PARG: variants seen among roughly 807,000 people sequenced by gnomAD.
PARG encodes the protein poly(ADP-ribose) glycohydrolase.
Under a neutral mutation model 113.0 loss-of-function variants are expected in PARG, and 35 were observed. The ratio of observed to expected loss-of-function variants is 0.31; its 90% CI spans 0.24 to 0.41. The LOEUF is 0.41. Among genes scored for constraint, PARG ranks in the 10% least tolerant of loss-of-function variants. The probability of loss-of-function intolerance (pLI) is 1.00; values close to 1 mark genes in which losing one functional copy is unlikely to be tolerated. For missense variants in PARG, 797 were observed against 1,169.4 expected (o/e 0.68, Z 4.64); for synonymous variants, 330 against 409.9 (o/e 0.81, Z 2.36).
At chr10:49,897,392 A>G (rs531467911) in intron 7 of PARG, among the ~76,000 whole-genome samples, 26 of 152,304 alleles carry the variant, frequency 1.7e-4, no homozygotes, top group Admixed American at 9.8e-4. Context: ...CTCCCTGGGA[A>G]GCCTTCACTG....
At chr10:49,844,895 A>G (rs1161049972) in intron 13 of PARG, among the ~76,000 whole-genome samples, 14 of 152,370 alleles carry the variant, frequency 9.2e-5, no homozygotes, top group Non-Finnish European at 7.3e-5. Context: ...GAACTCCTAC[A>G]TGTCTGCAAT....
intron 7 of PARG, among the ~76,000 whole-genome samples, chr10:49,892,468 G>C (rs1847856019): frequency 6.6e-6 from 1 of 151,884 alleles, no homozygotes; most frequent in Non-Finnish European, 1.5e-5. Context: ...TTAAGAGAAA[G>C]CCTAAAAAGT....
chr10:49,908,169 T>C (rs1285463338), intron 7 of PARG, among the ~76,000 whole-genome samples: 2 of 152,194 alleles, frequency 1.3e-5, no homozygotes, highest in African/African-American at 2.4e-5. Flanking sequence ...TGATATTCCA[T>C]GGTAACTCAT....
intron 7 of PARG, among the ~76,000 whole-genome samples, chr10:49,898,209 CAG>C (rs1848187983): frequency 6.6e-6 from 1 of 152,246 alleles, no homozygotes; most frequent in African/African-American, 2.4e-5. Flanking sequence ...CTTTAACTTA[CAG>C]AGTTACGAAA....
chr10:49,920,651 T>TATATATATACAC (rs1588993391), intron 6 of PARG, among the ~76,000 whole-genome samples: 2 of 148,130 alleles, frequency 1.4e-5, no homozygotes, highest in African/African-American at 5.0e-5. Context: ...CACATATACG[T>TATATATATACAC]ATATATATGG....
intron 16 of PARG, among the ~76,000 whole-genome samples, chr10:49,825,660 T>C (rs1241237492): frequency 3.9e-5 from 6 of 152,182 alleles, no homozygotes; most frequent in Non-Finnish European, 2.9e-5. Flanking sequence ...TGGAGCCAAG[T>C]TTGAATGTTG....
Position 49,908,847 on chromosome 10 carries a change from A to G in PARG, c.1737+7070T>C, listed in dbSNP as rs556503500. On this transcript the variant is annotated intron_variant, in intron 7 of 17. Coordinates refer to ENST00000616448, the MANE Select transcript of PARG (RefSeq NM_003631.5). The stretch of plus-strand genomic sequence containing the variant: ...GGCCACATTCCTTCAGTTACTGAAT[A>G]ACGAAATCTGTTGTGATTTAAAACA... 4.4e-3 allele frequency among the ~76,000 whole-genome samples: 672 copies of G among 152,288 alleles called. 2 individuals are homozygous for G. Among genetic ancestry groups the G allele is most frequent in the African/African-American group, 0.016 (651 of 41,572 alleles).
intron 13 of PARG, among the ~76,000 whole-genome samples, chr10:49,856,506 A>T (rs1357226858): frequency 6.6e-6 from 1 of 152,222 alleles, no homozygotes; most frequent in Non-Finnish European, 1.5e-5. Flanking sequence ...TTCTTTTAGG[A>T]TTCAAAATAG....
chr10:49,908,393 T>C (rs533373041), intron 7 of PARG: 1 of 152,196 alleles, frequency 6.6e-6, no homozygotes, highest in Admixed American at 6.5e-5. Context: ...GTGATTCTGA[T>C]TAGTTCCCTT....
rs1255543155 is a variant in PARG at position 49,820,299 on chromosome 10, G to T, written c.2648-6C>A. On this transcript the variant is annotated splice_polypyrimidine_tract_variant and splice_region_variant and intron_variant, in intron 16 of 17. Transcript: ENST00000616448. ...TGCCAATATCTGTATTAAGGCTGAGGCAAAGAGAAAAGACACGGCTATATC... is the reference window on the plus strand; with the variant it reads ...TGCCAATATCTGTATTAAGGCTGAGTCAAAGAGAAAAGACACGGCTATATC... 1 of 1,544,748 alleles carries T rather than the reference G, an allele frequency of 6.5e-7. No homozygotes were observed. Among genetic ancestry groups the T allele is most frequent in the Non-Finnish European group, 8.8e-7 (1 of 1,141,594 alleles).
At chr10:49,854,512 C>G (rs1845899105) in intron 13 of PARG, among the ~76,000 whole-genome samples, 1 of 151,776 alleles carries the variant, frequency 6.6e-6, no homozygotes, top group Non-Finnish European at 1.5e-5. Flanking sequence ...TATATTAAAA[C>G]AAGAAGGAAT....
chr10:49,890,778 T>C (rs1554841320), intron 7 of PARG, among the ~76,000 whole-genome samples: 1 of 152,238 alleles, frequency 6.6e-6, no homozygotes, highest in African/African-American at 2.4e-5. Context: ...TACTTATTTC[T>C]TCTTTCTTTG....
At chr10:49,864,334 G>A (rs1448759650) in intron 11 of PARG, among the ~76,000 whole-genome samples, 1 of 151,216 alleles carries the variant, frequency 6.6e-6, no homozygotes, top group Non-Finnish European at 1.5e-5. Context: ...TCTAAACCAC[G>A]CACTCAGTCT....
intron 7 of PARG, among the ~76,000 whole-genome samples, chr10:49,905,374 C>A (rs368326869): frequency 6.6e-6 from 1 of 152,098 alleles, no homozygotes. Flanking sequence ...TTAGCAAGGC[C>A]TATCAGTAAG....
intron 1 of PARG, among the ~76,000 whole-genome samples, chr10:49,939,374 AAC>A (rs1458056986): frequency 2.0e-5 from 3 of 152,254 alleles, no homozygotes; most frequent in African/African-American, 4.8e-5. Flanking sequence ...TCAATGAAAT[AAC>A]ACAGACAATA....
intron 15 of PARG, among the ~76,000 whole-genome samples, chr10:49,834,629 C>T (rs1844827297): frequency 6.6e-6 from 1 of 152,106 alleles, no homozygotes; most frequent in African/African-American, 2.4e-5. Context: ...AAGTTCATGG[C>T]TGTAACCCCA....
intron 4 of PARG, among the ~76,000 whole-genome samples, chr10:49,924,858 C>T (rs777500137): frequency 1.2e-4 from 18 of 152,162 alleles, no homozygotes; most frequent in Non-Finnish European, 1.2e-4. Context: ...TGGGTAAAAT[C>T]TACATTGTGT....
At chr10:49,924,447 T>C (rs1414567277) in intron 4 of PARG, among the ~76,000 whole-genome samples, 1 of 151,670 alleles carries the variant, frequency 6.6e-6, no homozygotes, top group East Asian at 1.9e-4. Flanking sequence ...TAAACTTAGG[T>C]AAGGCTTCCT....
chr10:49,878,126 C>G (rs1405033192), intron 9 of PARG, among the ~76,000 whole-genome samples: 1 of 150,804 alleles, frequency 6.6e-6, no homozygotes, highest in Non-Finnish European at 1.5e-5. Flanking sequence ...AATGCATGAC[C>G]TCATTCCAAT....
Sources: gnomAD v4.1 joint callset for allele counts (sites outside exome capture counted in the v4.1 genomes callset) on GRCh38, gnomAD v4.1.1 for gene constraint, MANE v1.5 for transcripts, NCBI Gene and HGNC (gene_info 2026-07-23, HGNC 2026-07-21) for gene names.